The following BOC variants were observed in gnomAD, a reference collection of about 807,000 sequenced individuals.
The protein encoded by BOC is BOC cell adhesion associated, oncogene regulated.
BOC carries 76 observed loss-of-function variants against 112.0 expected under a neutral mutation model. That is an observed-to-expected ratio of 0.68 (90% CI 0.56 to 0.82). The LOEUF is 0.82. Among genes scored for constraint, BOC ranks in the 40% least tolerant of loss-of-function variants. The pLI is 0.00. For missense variants in BOC, 1,309 were observed against 1,511.7 expected (o/e 0.87, Z 2.22); for synonymous variants, 580 against 599.8 (o/e 0.97, Z 0.48).
chr3:113,217,323 C>G (rs1939604806), intron 2 of BOC, among the ~76,000 whole-genome samples: 1 of 152,220 alleles, frequency 6.6e-6, no homozygotes, highest in African/African-American at 2.4e-5. Flanking sequence ...CCAGGCCAGC[C>G]TGGGCAACAT....
At chr3:113,286,179 G>C (rs1949670893) in intron 19 of BOC, among the ~76,000 whole-genome samples, 1 of 152,116 alleles carries the variant, frequency 6.6e-6, no homozygotes, top group African/African-American at 2.4e-5. Flanking sequence ...TAGCTTCTCT[G>C]TGTGTGTGCC....
chr3:113,265,930 A>G (rs1947431346), intron 4 of BOC, among the ~76,000 whole-genome samples: 1 of 152,280 alleles, frequency 6.6e-6, no homozygotes. Flanking sequence ...CATTTGCTGT[A>G]TCCTCAGTAC....
rs570525176 is a variant in BOC at position 113,279,543 on chromosome 3, T to C, written c.2023+88T>C. The C allele has an allele frequency of 2.0e-5, 27 of 1,332,420 alleles. No homozygotes were observed. In the East Asian group the frequency reaches 6.4e-4, roughly 32 times the overall value. 82.5% of individuals were successfully genotyped at this position (1,332,420 alleles called of 1,614,324 possible). A position where few individuals can be genotyped will look rare whatever the true frequency, so the allele number is the denominator to read the frequency against. On this transcript the variant is annotated intron_variant, in intron 12 of 19. Coordinates refer to ENST00000682979, the MANE Select transcript of BOC (RefSeq NM_001378074.1). ...GAGGATGACGAGCCTGGGATCCCCT[T>C]CTCTCGGCCCAGGCCCCCACCCACC...
At chr3:113,247,264 C>A (rs1354737618) in intron 2 of BOC, among the ~76,000 whole-genome samples, 1 of 152,094 alleles carries the variant, frequency 6.6e-6, no homozygotes, top group Non-Finnish European at 1.5e-5. Context: ...ATGACTTGAA[C>A]AAGCTAGTTC....
chr3:113,269,538 AATAT>A (rs988104041), intron 5 of BOC: 1 of 151,948 alleles, frequency 6.6e-6, no homozygotes, highest in African/African-American at 2.4e-5. Context: ...CAAGAAAAAA[AATAT>A]ATATATATAC....
intron 2 of BOC, among the ~76,000 whole-genome samples, chr3:113,222,459 T>C (rs1443509596): frequency 6.6e-6 from 1 of 152,194 alleles, no homozygotes; most frequent in African/African-American, 2.4e-5. Flanking sequence ...AGAATGCTAC[T>C]GTTAAGAGTA....
At chr3:113,265,798 G>A (rs1018572087) in intron 4 of BOC, among the ~76,000 whole-genome samples, 4 of 152,216 alleles carry the variant, frequency 2.6e-5, no homozygotes, top group Admixed American at 1.3e-4. Context: ...ATTTTCAGAT[G>A]ATGAAAGCAG....
intron 7 of BOC, 24 bp from the exon 8 acceptor site, chr3:113,273,045 C>A: frequency 6.3e-7 from 1 of 1,582,764 alleles, no homozygotes; most frequent in South Asian, 1.1e-5. Flanking sequence ...CAGCCCTTCT[C>A]ACCCTGCTCT....
Position 113,286,798 on chromosome 3 carries a change from G to C in BOC, c.3284G>C (p.Gly1095Ala). 6.2e-7 allele frequency: 1 copy of C among 1,612,914 alleles called. No individual in the cohort carries two copies. The highest frequency in any genetic ancestry group is 8.5e-7 in the Non-Finnish European group (1 of 1,179,512). Residue 1095 changes from glycine (G) to alanine (A), a missense_variant, in exon 20 of 20, where the codon GGA becomes GCA. Coordinates refer to ENST00000682979, the MANE Select transcript of BOC (RefSeq NM_001378074.1). ...GGGGCCTACGTAGGACAGGAACCTG[G>C]AATGCAGCTCTCCCCGGGGCCACTG... ...PVGAYVGQEP[G>A]MQLSPGPLVR...
intron 2 of BOC, among the ~76,000 whole-genome samples, chr3:113,222,419 A>G (rs1940869604): frequency 6.6e-6 from 1 of 152,212 alleles, no homozygotes. Flanking sequence ...GAGTATATGT[A>G]TATGGGGGGA....
intron 2 of BOC, among the ~76,000 whole-genome samples, chr3:113,221,935 G>A (rs1940756172): frequency 6.6e-6 from 1 of 152,124 alleles, no homozygotes; most frequent in South Asian, 2.1e-4. Context: ...CACACTGGCT[G>A]GGCAGCCTCC....
At chr3:113,272,270 C>T (rs12631733) in intron 6 of BOC, 140 bp from the exon 7 acceptor site, 174,644 of 867,784 alleles carry the variant, frequency 0.2, 21,195 homozygotes, top group East Asian at 0.46. Context: ...TTCTGTAGCA[C>T]GCCCCACTCT....
intron 2 of BOC, among the ~76,000 whole-genome samples, chr3:113,247,102 G>C (rs896437241): frequency 3.3e-5 from 5 of 152,050 alleles, no homozygotes; most frequent in Non-Finnish European, 7.4e-5. Flanking sequence ...CTCTTTGTCT[G>C]CTTGTCCTCT....
intron 2 of BOC, among the ~76,000 whole-genome samples, chr3:113,233,979 C>G (rs1576361291): frequency 6.6e-6 from 1 of 152,182 alleles, no homozygotes; most frequent in East Asian, 1.9e-4. Context: ...GGAGTCCCAC[C>G]TGGGATTCAT....
chr3:113,270,257 T>C (rs1947964742), intron 5 of BOC: 1 of 152,374 alleles, frequency 6.6e-6, no homozygotes, highest in African/African-American at 2.4e-5. Flanking sequence ...AGCTCCAAAA[T>C]CAATTTCCTC....
intron 4 of BOC, among the ~76,000 whole-genome samples, chr3:113,253,472 C>T (rs1490006807): frequency 6.6e-6 from 1 of 151,270 alleles, no homozygotes; most frequent in Non-Finnish European, 1.5e-5. Flanking sequence ...GTCTCGGAGG[C>T]GGGAGGACTG....
In BOC at chr3:113,278,594, C is replaced by G. The variant is rs2107706284; in HGVS notation, c.1706-79C>G. The G allele has an allele frequency of 2.4e-6, 3 of 1,272,710 alleles. No individual in the cohort carries two copies. In the South Asian group the frequency reaches 3.9e-5, roughly 17 times the overall value. The allele number at this position is 1,272,710 out of a possible 1,614,324, so 78.8% of individuals were successfully genotyped here. On this transcript the variant is annotated intron_variant, in intron 10 of 19. Transcript: ENST00000682979. The surrounding 1 kb of genome is among the most constrained non-coding windows in gnomAD (Gnocchi z 4.2). Reference sequence around the variant, plus strand: ...ACTTTGTCATGCCGCTTAGCAGAGTCTCAGGCAAAAAGGACTCTGTGGGAG... The same window carrying G: ...ACTTTGTCATGCCGCTTAGCAGAGTGTCAGGCAAAAAGGACTCTGTGGGAG...
intron 9 of BOC, among the ~76,000 whole-genome samples, chr3:113,275,516 GT>G (rs1948574511): frequency 6.6e-6 from 1 of 152,230 alleles, no homozygotes; most frequent in Admixed American, 6.5e-5. Flanking sequence ...CCTTGAAAAT[GT>G]TTTTGTTCAC....
chr3:113,284,956 T>G, intron 18 of BOC, 98 bp downstream of exon 18: 2 of 1,119,816 alleles, frequency 1.8e-6, no homozygotes. Flanking sequence ...CAAGCAGTAG[T>G]GCTGTACTCA....
Sources: allele counts gnomAD v4.1 joint callset (sites outside exome capture counted in the v4.1 genomes callset), GRCh38; gene constraint gnomAD v4.1.1; non-coding constraint Gnocchi (gnomAD v3.1); transcripts MANE v1.5; gene names NCBI Gene and HGNC (gene_info 2026-07-23, HGNC 2026-07-21).